ROCK2: variants seen among roughly 807,000 people sequenced by gnomAD.
ROCK2 encodes the protein rho-associated protein kinase 2.
A neutral mutation model predicts 195.1 loss-of-function variants in ROCK2; 61 were observed. The observed-to-expected ratio is 0.31, with a 90% confidence interval of 0.25 to 0.39. The LOEUF (loss-of-function observed/expected upper bound fraction) is 0.39. ROCK2 is among the 10% of genes least tolerant of loss of function. ROCK2 has a pLI of 1.00. For synonymous variants in ROCK2, 504 were observed against 545.5 expected, an observed-to-expected ratio of 0.92 and a Z score of 1.06; for missense variants, 1,109 against 1,637.4, an observed-to-expected ratio of 0.68 and a Z score of 5.57.
At chr2:11,345,133 A>C (rs935493214), upstream of ROCK2, among the ~76,000 whole-genome samples, 2 of 152,288 alleles carry the variant, frequency 1.3e-5, no homozygotes, top group African/African-American at 2.4e-5. Flanking sequence ...GAGGGGCCGC[A>C]GGGCCGGGGG....
intron 1 of ROCK2, among the ~76,000 whole-genome samples, chr2:11,315,478 A>G (rs889480796): frequency 3.3e-5 from 5 of 151,660 alleles, no homozygotes; most frequent in Middle Eastern, 3.4e-3. Context: ...GTAAAAAAAA[A>G]CAGTAAATTA....
intron 3 of ROCK2, among the ~76,000 whole-genome samples, chr2:11,256,508 T>G (rs1004588440): frequency 2.0e-5 from 3 of 151,266 alleles, no homozygotes; most frequent in Non-Finnish European, 4.4e-5. Context: ...TTTTATGAAT[T>G]ATCCAGTCTC....
intron 13 of ROCK2, 65 bp from the exon 14 acceptor site, chr2:11,215,710 A>C: frequency 7.4e-7 from 1 of 1,345,002 alleles, no homozygotes; most frequent in Non-Finnish European, 1.0e-6. Context: ...AACAAAAAAT[A>C]CTTGCTATTC....
chr2:11,242,074 C>T (rs184269159), intron 4 of ROCK2, among the ~76,000 whole-genome samples: 118 of 152,200 alleles, frequency 7.8e-4, no homozygotes, highest in Non-Finnish European at 1.5e-3. Flanking sequence ...AACAAATCTG[C>T]CAGGACTTTG....
intron 1 of ROCK2, among the ~76,000 whole-genome samples, chr2:11,303,432 A>T (rs528520833): frequency 1.4e-4 from 21 of 152,236 alleles, no homozygotes; most frequent in African/African-American, 4.8e-4. Context: ...CTTTCCTGCT[A>T]TTATGGATGT....
chr2:11,319,090 CT>C (rs1558389894), intron 1 of ROCK2, among the ~76,000 whole-genome samples: 1 of 152,084 alleles, frequency 6.6e-6, no homozygotes, highest in African/African-American at 2.4e-5. Context: ...AATGTGGGCT[CT>C]TTTTTGGTTC....
intron 18 of ROCK2, among the ~76,000 whole-genome samples, chr2:11,209,315 C>T (rs936425818): frequency 6.6e-6 from 1 of 152,100 alleles, no homozygotes; most frequent in Non-Finnish European, 1.5e-5. Flanking sequence ...TTCCTTATCT[C>T]CAGAATAGGG....
rs533511018 is a variant in ROCK2 at position 11,185,277 on chromosome 2, T to C, written c.4164-1837A>G. On this transcript the variant is annotated intron_variant, in intron 32 of 32. Coordinates refer to ENST00000315872, the MANE Select transcript of ROCK2 (RefSeq NM_004850.5). The stretch of plus-strand genomic sequence containing the variant: ...CAATGTGTCACCAAGAGCTTTGTCC[T>C]GCATATGAAAAACTAGGGACAAGGG... Among the ~76,000 whole-genome samples the C allele has an allele frequency of 4.6e-5, 7 of 152,322 alleles. No homozygotes were observed. The South Asian group carries it at 1.5e-3, about 32-fold the overall frequency.
At chr2:11,324,544 G>A (rs921106612) in intron 1 of ROCK2, among the ~76,000 whole-genome samples, 1 of 152,230 alleles carries the variant, frequency 6.6e-6, no homozygotes, top group Non-Finnish European at 1.5e-5. Context: ...GTTGTTCAGT[G>A]GGTGAGTGGG....
chr2:11,266,077 A>T (rs969081999), intron 3 of ROCK2, among the ~76,000 whole-genome samples: 7 of 152,214 alleles, frequency 4.6e-5, no homozygotes, highest in Admixed American at 4.6e-4. Context: ...CAGGATCATA[A>T]ATATCACTGT....
intron 1 of ROCK2, among the ~76,000 whole-genome samples, chr2:11,330,044 T>C (rs530986824): frequency 2.0e-5 from 3 of 152,322 alleles, no homozygotes; most frequent in South Asian, 4.1e-4. Context: ...TGAGGTATTA[T>C]GGAATTAGGA....
At chr2:11,265,614 T>C (rs1348480692) in intron 3 of ROCK2, among the ~76,000 whole-genome samples, 2 of 152,196 alleles carry the variant, frequency 1.3e-5, no homozygotes, top group Non-Finnish European at 2.9e-5. Flanking sequence ...TTGAAAATGG[T>C]AATAGGGAGA....
At chr2:11,234,868 A>G (rs780697229) in intron 5 of ROCK2, among the ~76,000 whole-genome samples, 1 of 152,178 alleles carries the variant, frequency 6.6e-6, no homozygotes, top group Non-Finnish European at 1.5e-5. Context: ...ACAAGTTAAG[A>G]GGTAGAGAGA....
At chr2:11,251,294 A>G (rs1391710121) in intron 3 of ROCK2, among the ~76,000 whole-genome samples, 2 of 152,260 alleles carry the variant, frequency 1.3e-5, no homozygotes, top group Admixed American at 1.3e-4. Flanking sequence ...TGCCTAGTAT[A>G]ATGTCTGGCA....
At chr2:11,288,994 T>C (rs1465400125) in intron 1 of ROCK2, among the ~76,000 whole-genome samples, 1 of 152,220 alleles carries the variant, frequency 6.6e-6, no homozygotes, top group Admixed American at 6.5e-5. Flanking sequence ...TTATAGTTCA[T>C]ATTTTTAATT....
Position 11,198,751 on chromosome 2 carries a change from T to G in ROCK2, c.2934A>C (p.Leu978=). Residue 978 remains leucine (L), a synonymous_variant, in exon 24 of 33, where the codon CTA becomes CTC. Coordinates refer to ENST00000315872, the MANE Select transcript of ROCK2 (RefSeq NM_004850.5). The part of the protein sequence containing the change: ...IASLEETNRT[L]TSDVANLANE... ...TTGCAAGATTGGCAACATCACTAGT[T>G]AGTGTCCTATTAGTTTCCTCAAGCT... The G allele has an allele frequency of 6.2e-7, 1 of 1,603,708 alleles. No homozygotes were observed. The highest frequency in any genetic ancestry group is 8.5e-7 in the Non-Finnish European group (1 of 1,174,696).
At chr2:11,207,335 T>C (rs13424069) in intron 20 of ROCK2, among the ~76,000 whole-genome samples, 61,747 of 152,082 alleles carry the variant, frequency 0.41, 13,763 homozygotes, top group Admixed American at 0.52. Flanking sequence ...TATGACATGA[T>C]TAAAAATTTA....
rs1553317357 is a variant in ROCK2, at chr2:11,317,576, T to TTAAATATATATATATATA, written c.141+26419_141+26420insTATATATATATATATTTA. On this transcript the variant is annotated intron_variant, in intron 1 of 32. Coordinates refer to ENST00000315872, the MANE Select transcript of ROCK2 (RefSeq NM_004850.5). ...TTTAAAGCCGCCCTGATCTACACAT[T>TTAAATATATATATATATA]TATATATATATATATATATATATAT... Among the ~76,000 whole-genome samples the TTAAATATATATATATATA allele has an allele frequency of 1.4e-4, 4 of 29,586 alleles. 1 individual carries two copies. The highest frequency in any genetic ancestry group is 6.2e-4 in the African/African-American group (4 of 6,438). 19.4% of individuals were successfully genotyped at this position (29,586 alleles called of 152,430 possible). A position where few individuals can be genotyped will look rare whatever the true frequency, so the allele number is the denominator to read the frequency against.
At chr2:11,327,898 G>A (rs967664778) in intron 1 of ROCK2, among the ~76,000 whole-genome samples, 3 of 152,134 alleles carry the variant, frequency 2.0e-5, no homozygotes, top group African/African-American at 7.2e-5. Flanking sequence ...TGTTACTTTT[G>A]TAATTTAAAA....
Sources: allele counts gnomAD v4.1 joint callset (sites outside exome capture counted in the v4.1 genomes callset), GRCh38; gene constraint gnomAD v4.1.1; transcripts MANE v1.5; gene names NCBI Gene and HGNC (gene_info 2026-07-23, HGNC 2026-07-21).